PI4K2B: variants seen among roughly 807,000 people sequenced by gnomAD.
The protein encoded by PI4K2B is phosphatidylinositol 4-kinase type 2-beta.
PI4K2B carries 46 observed loss-of-function variants against 56.6 expected under a neutral mutation model. The observed-to-expected ratio is 0.81, with a 90% confidence interval of 0.64 to 1.04. The LOEUF is 1.04. Among genes scored for constraint, PI4K2B ranks in the 50% least tolerant of loss-of-function variants. The pLI, the probability that PI4K2B is intolerant of heterozygous loss-of-function variation, is 0.00. For missense variants in PI4K2B, 556 were observed against 607.7 expected (o/e 0.91, Z 0.89); for synonymous variants, 211 against 223.8 (o/e 0.94, Z 0.51).
chr4:25,243,555 G>A (rs550011814), intron 1 of PI4K2B, among the ~76,000 whole-genome samples: 1 of 152,280 alleles, frequency 6.6e-6, no homozygotes, highest in East Asian at 1.9e-4. Flanking sequence ...AGGTTGCCAG[G>A]TTTAATAATG....
At chr4:25,259,691 C>G (rs1455673562) in intron 5 of PI4K2B, among the ~76,000 whole-genome samples, 1 of 151,492 alleles carries the variant, frequency 6.6e-6, no homozygotes, top group Non-Finnish European at 1.5e-5. Flanking sequence ...CTAATGACAG[C>G]TGATGAGCTT....
intron 3 of PI4K2B, among the ~76,000 whole-genome samples, chr4:25,256,320 A>T (rs915594200): frequency 6.6e-5 from 10 of 152,346 alleles, no homozygotes; most frequent in Middle Eastern, 6.8e-3. Flanking sequence ...TGGCAAATTT[A>T]GGCCTCTAAA....
intron 9 of PI4K2B, among the ~76,000 whole-genome samples, chr4:25,272,299 A>C (rs1716928311): frequency 6.6e-6 from 1 of 152,236 alleles, no homozygotes; most frequent in Non-Finnish European, 1.5e-5. Flanking sequence ...TGAATATAAT[A>C]AAATATGAAG....
intron 6 of PI4K2B, among the ~76,000 whole-genome samples, chr4:25,260,970 A>T (rs1716455083): frequency 6.6e-6 from 1 of 150,768 alleles, no homozygotes; most frequent in Non-Finnish European, 1.5e-5. Flanking sequence ...GGCCTCCCAA[A>T]GTGCTGGGAT....
At position 25,252,495 on chromosome 4, in the gene PI4K2B, A is replaced by G. The variant is rs779937641; in HGVS notation, c.423+20A>G. 6.8e-7 allele frequency: 1 copy of G among 1,475,708 alleles called. No homozygotes were observed. The highest frequency in any genetic ancestry group is 9.4e-7 in the Non-Finnish European group (1 of 1,061,236). 91.4% of individuals were successfully genotyped at this position (1,475,708 alleles called of 1,614,324 possible). A position where few individuals can be genotyped will look rare whatever the true frequency, so the allele number is the denominator to read the frequency against. ...AAGAGGGTGAGAATTTCACAGACCT[A>G]TTATATGTAATGGAAACTTTGGTAA... On this transcript the variant is annotated intron_variant, in intron 2 of 9. Coordinates refer to ENST00000264864, the MANE Select transcript of PI4K2B (RefSeq NM_018323.4).
chr4:25,246,720 G>A (rs952283188), intron 1 of PI4K2B, among the ~76,000 whole-genome samples: 2 of 152,254 alleles, frequency 1.3e-5, no homozygotes, highest in Non-Finnish European at 2.9e-5. Context: ...GCCCACGGCG[G>A]CGGGGGGAGG....
chr4:25,258,534 AT>A, intron 4 of PI4K2B: 1 of 527,040 alleles, frequency 1.9e-6, no homozygotes, highest in Non-Finnish European at 2.4e-6. Context: ...AAATAAAATA[AT>A]TTATTTAGAA....
intron 1 of PI4K2B, among the ~76,000 whole-genome samples, chr4:25,244,176 CCA>C (rs1715660792): frequency 6.6e-6 from 1 of 152,096 alleles, no homozygotes; most frequent in African/African-American, 2.4e-5. Context: ...GGACATGTAC[CCA>C]GGTTGGGCCA....
chr4:25,259,210 T>C lies in PI4K2B; in HGVS notation c.910+20T>C. 1 of 1,448,416 alleles carries C rather than the reference T, an allele frequency of 6.9e-7. No homozygotes were observed. The highest frequency in any genetic ancestry group is 9.5e-7 in the Non-Finnish European group (1 of 1,048,798). 89.7% of individuals were successfully genotyped at this position (1,448,416 alleles called of 1,614,324 possible). A position where few individuals can be genotyped will look rare whatever the true frequency, so the allele number is the denominator to read the frequency against. The stretch of plus-strand genomic sequence containing the variant: ...ATACAGGTATTGAAGTTCTCTCATT[T>C]GTTCACGTAAATCTTGTTCATTTTC... On this transcript the variant is annotated intron_variant, in intron 5 of 9. Coordinates refer to ENST00000264864, the MANE Select transcript of PI4K2B (RefSeq NM_018323.4).
Position 25,255,213 on chromosome 4 carries a change from G to T in PI4K2B, c.572G>T (p.Gly191Val). Residue 191 changes from glycine (G) to valine (V), a missense_variant, in exon 3 of 10, where the codon GGT (glycine) becomes GTT (valine). Physicochemically the swap from Gly to Val is moderately radical, Grantham distance 109. Coordinates refer to ENST00000264864, the MANE Select transcript of PI4K2B (RefSeq NM_018323.4). ...AATCAGGGGTACCTTTCCGAAGCGG[G>T]TGCCTATCTTGTGGACAACAAGCTT... Reference protein sequence around the residue: ...IPNQGYLSEAGAYLVDNKLHL... With the variant: ...IPNQGYLSEAVAYLVDNKLHL... 1.2e-6 allele frequency: 2 copies of T among 1,614,124 alleles called. No homozygotes were observed. Among genetic ancestry groups the T allele is most frequent in the Non-Finnish European group, 1.7e-6 (2 of 1,180,028 alleles).
In PI4K2B at chr4:25,234,424, G is replaced by C; in HGVS notation, c.261G>C (p.Ala87=). The C allele has an allele frequency of 7.4e-7, 1 of 1,344,760 alleles. No individual in the cohort carries two copies. The highest frequency in any genetic ancestry group is 3.6e-5 in the Admixed American group (1 of 28,142). The allele number at this position is 1,344,760 out of a possible 1,614,324, so 83.3% of individuals were successfully genotyped here. Residue 87 remains alanine, a synonymous_variant, in exon 1 of 10, where the codon GCG becomes GCC. Coordinates refer to ENST00000264864, the MANE Select transcript of PI4K2B (RefSeq NM_018323.4). ...SSAELDRSRP[A]VSVTIGTSEM... is the part of the protein sequence containing the mutation. Reference sequence around the variant, plus strand: ...CCGAGCTGGACCGGAGCCGCCCCGCGGTTTCAGGTGCGACCCGGCCCTGCC... The same window carrying C: ...CCGAGCTGGACCGGAGCCGCCCCGCCGTTTCAGGTGCGACCCGGCCCTGCC...
intron 1 of PI4K2B, among the ~76,000 whole-genome samples, chr4:25,247,060 C>T (rs1368120837): frequency 1.3e-5 from 2 of 152,234 alleles, no homozygotes; most frequent in Non-Finnish European, 1.5e-5. Context: ...GAAAGGGGCT[C>T]CCCCAGTGCA....
chr4:25,262,718 C>T (rs1412558670), intron 6 of PI4K2B, among the ~76,000 whole-genome samples: 1 of 151,984 alleles, frequency 6.6e-6, no homozygotes, highest in South Asian at 2.1e-4. Flanking sequence ...ACATCAGAGC[C>T]GTGTGAACCA....
At chr4:25,237,962 T>C (rs992701228) in intron 1 of PI4K2B, among the ~76,000 whole-genome samples, 2 of 152,296 alleles carry the variant, frequency 1.3e-5, no homozygotes, top group South Asian at 4.1e-4. Context: ...CAGGAGCGCT[T>C]AGCTCCTGTT....
In PI4K2B at chr4:25,234,245, C is replaced by T; in HGVS notation, c.82C>T (p.Pro28Ser). ...PEEEEDGERE[P>S]LLPRIAWAHP... ...GGAGGAGGAGGATGGGGAGCGGGAG[C>T]CGCTGCTACCGCGGATCGCCTGGGC... The change falls in exon 1 of 10, where the codon CCG becomes TCG. Residue 28 changes from proline (P) to serine (S), a missense_variant. Coordinates refer to ENST00000264864, the MANE Select transcript of PI4K2B (RefSeq NM_018323.4). 1 of 1,427,034 alleles carries T rather than the reference C, an allele frequency of 7.0e-7. No homozygotes were observed. The highest frequency in any genetic ancestry group is 1.4e-5 in the South Asian group (1 of 70,946). The allele number at this position is 1,427,034 out of a possible 1,614,324, so 88.4% of individuals were successfully genotyped here.
At chr4:25,276,371 T>A in intron 9 of PI4K2B, 3 of 324,668 alleles carry the variant, frequency 9.2e-6, no homozygotes, top group Non-Finnish European at 1.3e-5. Context: ...AATGTACCTT[T>A]ATTTGAAATG....
Position 25,278,966 on chromosome 4 carries a change from T to C in PI4K2B, c.*1779T>C, listed in dbSNP as rs1314279427. 1 of 152,538 alleles carries C rather than the reference T, an allele frequency of 6.6e-6. No individual in the cohort carries two copies. Among genetic ancestry groups the C allele is most frequent in the Non-Finnish European group, 1.5e-5 (1 of 68,028 alleles). 9.4% of individuals were successfully genotyped at this position (152,538 alleles called of 1,614,324 possible). A position where few individuals can be genotyped will look rare whatever the true frequency, so the allele number is the denominator to read the frequency against. ...GATATAACCACAAGTCAGAGTACAT[T>C]GGTTGTATTTTGTAAACTTTCATGA... On this transcript the variant is annotated 3_prime_UTR_variant, in exon 10 of 10. Transcript: ENST00000264864.
At chr4:25,263,586 C>G (rs1037149968) in intron 6 of PI4K2B, among the ~76,000 whole-genome samples, 164 bp from the exon 7 acceptor site, 3 of 152,106 alleles carry the variant, frequency 2.0e-5, no homozygotes, top group Admixed American at 6.5e-5. Flanking sequence ...TTCAGACAGT[C>G]TCTTCCATTC....
chr4:25,258,213 C>CTTTTTTTTTTTTTTTTTTTTTTT lies in PI4K2B; in HGVS notation c.757-810_757-809insTTTTTTTTTTTTTTTTTTTTTTT. ...AATCTGTGTGGTTAAGGAATCTGTC[C>CTTTTTTTTTTTTTTTTTTTTTTT]TTTTTTTTTTTTTTGAGACAGTCTC... On this transcript the variant is annotated intron_variant, in intron 4 of 9. Coordinates refer to ENST00000264864, the MANE Select transcript of PI4K2B (RefSeq NM_018323.4). Among the ~76,000 whole-genome samples the CTTTTTTTTTTTTTTTTTTTTTTT allele has an allele frequency of 1.7e-5, 2 of 119,014 alleles. 1 individual carries two copies. The highest frequency in any genetic ancestry group is 3.5e-5 in the Non-Finnish European group (2 of 57,128). The allele number at this position is 119,014 out of a possible 152,430, so 78.1% of individuals were successfully genotyped here.
Sources: gnomAD v4.1 joint callset for allele counts (sites outside exome capture counted in the v4.1 genomes callset) on GRCh38, gnomAD v4.1.1 for gene constraint, MANE v1.5 for transcripts, NCBI Gene and HGNC (gene_info 2026-07-23, HGNC 2026-07-21) for gene names.